Variants in ROBO2 observed in about 807,000 individuals in gnomAD.
ROBO2 encodes the protein roundabout homolog 2.
ROBO2 carries 53 observed loss-of-function variants against 160.8 expected under a neutral mutation model. The observed-to-expected ratio is 0.33, with a 90% confidence interval of 0.26 to 0.41. The LOEUF is 0.41. ROBO2 is among the 10% of genes least tolerant of loss of function. ROBO2 has a pLI of 1.00. For synonymous variants in ROBO2, 664 were observed against 611.7 expected (o/e 1.09, Z -1.26); for missense variants, 1,577 against 1,722.4 (o/e 0.92, Z 1.49).
intron 2 of ROBO2, among the ~76,000 whole-genome samples, chr3:77,122,014 T>A (rs563047904): frequency 1.3e-5 from 2 of 152,280 alleles, no homozygotes; most frequent in African/African-American, 4.8e-5. Flanking sequence ...TTTTTGAATT[T>A]CCATGTGTTA....
At chr3:76,590,465 C>A (rs2086344612) in intron 2 of ROBO2, among the ~76,000 whole-genome samples, 1 of 152,224 alleles carries the variant, frequency 6.6e-6, no homozygotes, top group African/African-American at 2.4e-5. Flanking sequence ...ATGCTGTCAA[C>A]CATCAATCTA....
intron 2 of ROBO2, among the ~76,000 whole-genome samples, chr3:76,759,740 A>T (rs982745475): frequency 2.0e-4 from 30 of 151,952 alleles, no homozygotes; most frequent in African/African-American, 7.2e-4. Context: ...GGGTTAAGAA[A>T]CACGGGTTCT....
At chr3:77,067,869 G>A (rs1488936356) in intron 1 of ROBO2, among the ~76,000 whole-genome samples, 1 of 152,156 alleles carries the variant, frequency 6.6e-6, no homozygotes, top group African/African-American at 2.4e-5. Flanking sequence ...AGAGCATGCT[G>A]AGGATGTTTC....
intron 2 of ROBO2, among the ~76,000 whole-genome samples, chr3:76,117,008 G>A (rs749210500): frequency 6.6e-6 from 1 of 152,162 alleles, no homozygotes; most frequent in Non-Finnish European, 1.5e-5. Flanking sequence ...ATGAGCTAAC[G>A]AATCACTTTA....
chr3:76,920,580 C>A (rs554934174), intron 2 of ROBO2, among the ~76,000 whole-genome samples: 1 of 152,174 alleles, frequency 6.6e-6, no homozygotes, highest in South Asian at 2.1e-4. Context: ...GGATACTGCA[C>A]CAAGCCAATG....
chr3:76,929,179 G>T (rs1222957298), intron 2 of ROBO2, among the ~76,000 whole-genome samples: 2 of 152,182 alleles, frequency 1.3e-5, no homozygotes, highest in Non-Finnish European at 2.9e-5. Flanking sequence ...AGAATCGCTT[G>T]AACCTGGGAG....
chr3:76,450,077 AC>A, intron 2 of ROBO2, among the ~76,000 whole-genome samples: 1 of 150,220 alleles, frequency 6.7e-6, no homozygotes, highest in South Asian at 2.1e-4. Context: ...TAATATAAAC[AC>A]CCAGCACATC....
chr3:76,588,952 T>G (rs2086235740), intron 2 of ROBO2, among the ~76,000 whole-genome samples: 1 of 152,214 alleles, frequency 6.6e-6, no homozygotes, highest in Admixed American at 6.5e-5. Flanking sequence ...GAGCACAGTT[T>G]CTAATACTTA....
chr3:77,219,349 G>C (rs1254689096), intron 2 of ROBO2, among the ~76,000 whole-genome samples: 3 of 148,970 alleles, frequency 2.0e-5, no homozygotes, highest in Non-Finnish European at 4.4e-5. Context: ...TTTGCAATTT[G>C]GTTAAATGAT....
At chr3:77,323,507 A>C (rs1201578592) in intron 2 of ROBO2, among the ~76,000 whole-genome samples, 1 of 152,340 alleles carries the variant, frequency 6.6e-6, no homozygotes, top group East Asian at 1.9e-4. Flanking sequence ...TTTTCTGTAG[A>C]ACATGGGCTA....
At chr3:76,270,616 A>C (rs1370636695) in intron 2 of ROBO2, among the ~76,000 whole-genome samples, 1 of 152,044 alleles carries the variant, frequency 6.6e-6, no homozygotes, top group Non-Finnish European at 1.5e-5. Flanking sequence ...ATTTTATTTT[A>C]TTGAGCACCT....
chr3:77,252,680 C>T (rs12496238), intron 2 of ROBO2, among the ~76,000 whole-genome samples: 33,631 of 147,926 alleles, frequency 0.23, 4,601 homozygotes, highest in Middle Eastern at 0.33. Context: ...TGGTGGCGGG[C>T]GCCTGTAGTC....
chr3:76,394,279 C>T (rs1349939189), intron 2 of ROBO2, among the ~76,000 whole-genome samples: 2 of 152,018 alleles, frequency 1.3e-5, no homozygotes, highest in Non-Finnish European at 2.9e-5. Flanking sequence ...TGTTCCTTTC[C>T]ATGTTTAGTG....
chr3:77,556,660 G>A (rs1287065938), intron 8 of ROBO2, among the ~76,000 whole-genome samples: 5 of 151,852 alleles, frequency 3.3e-5, no homozygotes, highest in Admixed American at 2.0e-4. Flanking sequence ...AAATTTGAAC[G>A]TTAAGCAAAC....
chr3:76,991,746 A>G (rs1420917114), intron 2 of ROBO2, among the ~76,000 whole-genome samples: 3 of 152,196 alleles, frequency 2.0e-5, no homozygotes, highest in Admixed American at 1.3e-4. Context: ...TTGATTTGCA[A>G]TAAGAAACCA....
chr3:77,036,596 T>C (rs2063651499), upstream of ROBO2, among the ~76,000 whole-genome samples: 1 of 152,120 alleles, frequency 6.6e-6, no homozygotes, highest in South Asian at 2.1e-4. Flanking sequence ...GACAGTTTCT[T>C]ACAATCTTTA....
chr3:76,969,579 A>G (rs774721743), intron 2 of ROBO2, among the ~76,000 whole-genome samples: 1 of 152,216 alleles, frequency 6.6e-6, no homozygotes, highest in Non-Finnish European at 1.5e-5. Flanking sequence ...TTTGAAGAAT[A>G]CATTCAGCCT....
intron 2 of ROBO2, among the ~76,000 whole-genome samples, chr3:75,978,452 C>G (rs940661601): frequency 2.0e-5 from 3 of 151,300 alleles, no homozygotes; most frequent in African/African-American, 7.3e-5. Flanking sequence ...CAAAATTTTA[C>G]CTATGTTTTA....
At chr3:76,138,472 C>T (rs964612788) in intron 2 of ROBO2, among the ~76,000 whole-genome samples, 4 of 151,910 alleles carry the variant, frequency 2.6e-5, no homozygotes, top group East Asian at 1.9e-4. Flanking sequence ...ACTAGAAATG[C>T]GTTGTACTAT....
Sources: gnomAD v4.1 joint callset for allele counts (sites outside exome capture counted in the v4.1 genomes callset) on GRCh38, gnomAD v4.1.1 for gene constraint, MANE v1.5 for transcripts, NCBI Gene and HGNC (gene_info 2026-07-23, HGNC 2026-07-21) for gene names.